The following ELOVL5 variants were observed in gnomAD, a reference collection of about 807,000 sequenced individuals.
ELOVL5 encodes the protein ELOVL fatty acid elongase 5.
ELOVL5 carries 8 observed loss-of-function variants against 38.6 expected under a neutral mutation model. The ratio of observed to expected loss-of-function variants is 0.21; its 90% CI spans 0.12 to 0.37. The LOEUF is 0.37. Among genes scored for constraint, ELOVL5 ranks in the 10% least tolerant of loss-of-function variants. ELOVL5 has a pLI of 1.00. For synonymous variants in ELOVL5, 127 were observed against 133.7 expected (o/e 0.95, Z 0.34); for missense variants, 280 against 367.8 (o/e 0.76, Z 1.95).
chr6:53,301,222 GTTT>G, intron 1 of ELOVL5, among the ~76,000 whole-genome samples: 1 of 152,270 alleles, frequency 6.6e-6, no homozygotes, highest in East Asian at 1.9e-4. Flanking sequence ...CACTGGTGCG[GTTT>G]CCTATCTTCT....
chr6:53,278,573 T>C (rs1278594214), intron 3 of ELOVL5, among the ~76,000 whole-genome samples: 9 of 152,212 alleles, frequency 5.9e-5, no homozygotes, highest in African/African-American at 2.2e-4. Context: ...ATAAAACACC[T>C]GTTGTCTTTG....
At chr6:53,317,962 C>T (rs938731708) in intron 1 of ELOVL5, among the ~76,000 whole-genome samples, 3 of 152,062 alleles carry the variant, frequency 2.0e-5, no homozygotes, top group African/African-American at 7.2e-5. Context: ...AACTAATACT[C>T]ACTCTATCCT....
rs1443291152 is a variant in ELOVL5, at chr6:53,306,039, C to CA, written c.-8-10333dup. 3.8e-3 allele frequency among the ~76,000 whole-genome samples: 580 copies of CA among 151,316 alleles called. 5 individuals carry two copies. Among genetic ancestry groups the CA allele is most frequent in the African/African-American group, 0.014 (560 of 41,218 alleles). The stretch of plus-strand genomic sequence containing the variant: ...CAACACAGCGAAACCCCGTCTCCAC[C>CA]AAAAAAATAAGAAAACCAGTCAGGC... On this transcript the variant is annotated intron_variant, in intron 1 of 7. Transcript: ENST00000304434.
At chr6:53,323,974 G>A (rs571175098) in intron 1 of ELOVL5, among the ~76,000 whole-genome samples, 2 of 152,170 alleles carry the variant, frequency 1.3e-5, no homozygotes, top group East Asian at 1.9e-4. Flanking sequence ...GTTATGGGTC[G>A]GGTGCAGTGG....
intron 5 of ELOVL5, among the ~76,000 whole-genome samples, chr6:53,274,716 A>T (rs1766047370): frequency 6.6e-6 from 1 of 152,232 alleles, no homozygotes; most frequent in Non-Finnish European, 1.5e-5. Context: ...TTTCAAAATG[A>T]GCCTTGCTCC....
At chr6:53,336,595 G>A (rs1276771173) in intron 1 of ELOVL5, among the ~76,000 whole-genome samples, 2 of 152,204 alleles carry the variant, frequency 1.3e-5, no homozygotes, top group Non-Finnish European at 2.9e-5. Context: ...TGGGAAATTT[G>A]AGGCTGCAAT....
At chr6:53,306,518 T>C (rs930750504) in intron 1 of ELOVL5, among the ~76,000 whole-genome samples, 1 of 151,944 alleles carries the variant, frequency 6.6e-6, no homozygotes, top group Admixed American at 6.6e-5. Context: ...AACTCAGATA[T>C]AGAACATTTT....
chr6:53,289,421 G>A (rs1407713530), intron 3 of ELOVL5, among the ~76,000 whole-genome samples: 1 of 152,118 alleles, frequency 6.6e-6, no homozygotes, highest in Non-Finnish European at 1.5e-5. Context: ...GAAATGCTAA[G>A]TATAAAAAGA....
At chr6:53,293,913 C>G (rs1766873154) in intron 2 of ELOVL5, among the ~76,000 whole-genome samples, 1 of 152,156 alleles carries the variant, frequency 6.6e-6, no homozygotes, top group Non-Finnish European at 1.5e-5. Context: ...AGAAGTCATT[C>G]AGGGAAATGG....
At chr6:53,309,515 G>C (rs1051278396) in intron 1 of ELOVL5, among the ~76,000 whole-genome samples, 17 of 152,220 alleles carry the variant, frequency 1.1e-4, no homozygotes, top group African/African-American at 3.9e-4. Context: ...AGTAAATACG[G>C]TATCTATGGG....
chr6:53,273,921 C>T (rs968774479), intron 5 of ELOVL5, among the ~76,000 whole-genome samples: 22 of 152,182 alleles, frequency 1.4e-4, no homozygotes, highest in African/African-American at 5.3e-4. Context: ...AGTAGGACCA[C>T]TAGTTCTTTT....
chr6:53,325,616 C>T (rs1768509993), intron 1 of ELOVL5, among the ~76,000 whole-genome samples: 1 of 152,172 alleles, frequency 6.6e-6, no homozygotes, highest in Admixed American at 6.5e-5. Flanking sequence ...GAGGAAGATC[C>T]AGGCTTGGGA....
At chr6:53,322,424 A>G (rs778783139) in intron 1 of ELOVL5, among the ~76,000 whole-genome samples, 1 of 152,236 alleles carries the variant, frequency 6.6e-6, no homozygotes, top group Non-Finnish European at 1.5e-5. Context: ...CTGTCAATAA[A>G]GCAGTATAAA....
chr6:53,274,494 T>TAA (rs927526354), intron 5 of ELOVL5, among the ~76,000 whole-genome samples: 1 of 152,224 alleles, frequency 6.6e-6, no homozygotes, highest in African/African-American at 2.4e-5. Flanking sequence ...AGACATTTGC[T>TAA]AAAACTCCCA....
At chr6:53,321,879 A>G (rs1768316422) in intron 1 of ELOVL5, among the ~76,000 whole-genome samples, 1 of 152,204 alleles carries the variant, frequency 6.6e-6, no homozygotes, top group South Asian at 2.1e-4. Context: ...TGCTTGCCTA[A>G]GGATTAATTT....
chr6:53,280,541 G>GAAAA (rs1454774193), intron 3 of ELOVL5, among the ~76,000 whole-genome samples: 1 of 152,094 alleles, frequency 6.6e-6, no homozygotes, highest in African/African-American at 2.4e-5. Flanking sequence ...TTCAATGAAA[G>GAAAA]AAAAAAATGT....
At chr6:53,283,391 T>C (rs1561866769) in intron 3 of ELOVL5, among the ~76,000 whole-genome samples, 1 of 152,182 alleles carries the variant, frequency 6.6e-6, no homozygotes, top group Non-Finnish European at 1.5e-5. Flanking sequence ...ACTTCTGTTT[T>C]AGGAGGTAAA....
At chr6:53,346,521 G>A (rs1004007388) in intron 1 of ELOVL5, among the ~76,000 whole-genome samples, 2 of 151,960 alleles carry the variant, frequency 1.3e-5, no homozygotes, top group Non-Finnish European at 2.9e-5. Context: ...AAGCATTCAA[G>A]GAAAGACTTA....
At chr6:53,312,516 G>T (rs1300116552) in intron 1 of ELOVL5, among the ~76,000 whole-genome samples, 3 of 152,184 alleles carry the variant, frequency 2.0e-5, no homozygotes, top group Non-Finnish European at 4.4e-5. Flanking sequence ...GTTACAAAGG[G>T]TGTGAAGGCA....
Sources: allele counts gnomAD v4.1 joint callset (sites outside exome capture counted in the v4.1 genomes callset), GRCh38; gene constraint gnomAD v4.1.1; transcripts MANE v1.5; gene names NCBI Gene and HGNC (gene_info 2026-07-23, HGNC 2026-07-21).